CASP9: variants seen among roughly 807,000 people sequenced by gnomAD.
CASP9 encodes the protein caspase-9.
Under a neutral mutation model 43.5 loss-of-function variants are expected in CASP9, and 29 were observed. That is an observed-to-expected ratio of 0.67 (90% CI 0.50 to 0.91). The LOEUF is 0.91. Among genes scored for constraint, CASP9 ranks in the 40% least tolerant of loss-of-function variants. The pLI is 0.00. For missense variants in CASP9, 575 were observed against 537.4 expected (o/e 1.07, Z -0.69); for synonymous variants, 206 against 211.9 (o/e 0.97, Z 0.24).
At chr1:15,520,895 A>C (rs1252085726) in intron 1 of CASP9, among the ~76,000 whole-genome samples, 3 of 150,918 alleles carry the variant, frequency 2.0e-5, no homozygotes, top group African/African-American at 7.3e-5. Flanking sequence ...CGGTGGCTCA[A>C]GCCTGTAATC....
intron 1 of CASP9, chr1:15,519,851 A>C (rs895679068): frequency 6.6e-6 from 1 of 151,796 alleles, no homozygotes; most frequent in Middle Eastern, 3.4e-3. Context: ...AAAAAATAAC[A>C]AAAAAAAAGC....
chr1:15,505,374 C>G (rs966198585), intron 5 of CASP9, among the ~76,000 whole-genome samples: 1 of 152,216 alleles, frequency 6.6e-6, no homozygotes, highest in Admixed American at 6.5e-5. Flanking sequence ...GCTGAAGATG[C>G]TGGCCTCGTC....
At chr1:15,509,715 G>A (rs1404519830) in intron 2 of CASP9, among the ~76,000 whole-genome samples, 2 of 152,066 alleles carry the variant, frequency 1.3e-5, no homozygotes, top group Non-Finnish European at 2.9e-5. Context: ...TGGTCTCATT[G>A]AGAAGAAATT....
chr1:15,494,112 A>G (rs2020895), intron 7 of CASP9, 111 bp from the exon 8 acceptor site: 724,125 of 1,337,928 alleles, frequency 0.54, 199,432 homozygotes, highest in African/African-American at 0.74. Flanking sequence ...CTTGACTCAT[A>G]CATACATCCA....
chr1:15,520,256 T>C (rs1326977099), intron 1 of CASP9, among the ~76,000 whole-genome samples: 1 of 152,150 alleles, frequency 6.6e-6, no homozygotes, highest in South Asian at 2.1e-4. Flanking sequence ...CATTAAGCAC[T>C]TGGGTAGTAC....
At chr1:15,493,192 C>T (rs1021041974) in intron 8 of CASP9, 157 bp from the exon 9 acceptor site, 2 of 1,431,586 alleles carry the variant, frequency 1.4e-6, no homozygotes, top group Non-Finnish European at 1.8e-6. Context: ...ATACGCACCT[C>T]AACTTTACCT....
chr1:15,507,146 G>T, intron 3 of CASP9, 71 bp from the exon 4 acceptor site: 1 of 1,582,290 alleles, frequency 6.3e-7, no homozygotes. Context: ...GGAGAGGCGG[G>T]AAGAAAACGG....
At chr1:15,507,981 C>T in intron 2 of CASP9, 74 bp from the exon 3 acceptor site, 2 of 1,487,070 alleles carry the variant, frequency 1.3e-6, no homozygotes, top group Non-Finnish European at 1.9e-6. Flanking sequence ...TCTGTGAGGA[C>T]AGCCCCCCAA....
rs199536909 is a variant in CASP9 at position 15,495,399 on chromosome 1, G to C, written c.922C>G (p.Pro308Ala). ...GCATCTGGCTCGGGGTTACTGCCAGGGGACTCGTCTTCAGGGGAAGTGGAG... is the reference window on the plus strand; with the variant it reads ...GCATCTGGCTCGGGGTTACTGCCAGCGGACTCGTCTTCAGGGGAAGTGGAG... ...VASTSPEDES[P>A]GSNPEPDATP... is the part of the protein sequence containing the mutation. The change falls in exon 7 of 9, where the codon CCT becomes GCT. Residue 308 changes from proline to alanine, a missense_variant. Physicochemically the swap from Pro to Ala is conservative, Grantham distance 27. Coordinates refer to ENST00000333868, the MANE Select transcript of CASP9 (RefSeq NM_001229.5). The C allele has an allele frequency of 6.2e-6, 10 of 1,607,940 alleles. No homozygotes were observed. In the African/African-American group the frequency reaches 1.2e-4, roughly 19 times the overall value.
chr1:15,511,101 C>T (rs528515548), intron 2 of CASP9, among the ~76,000 whole-genome samples: 68 of 151,906 alleles, frequency 4.5e-4, no homozygotes, highest in South Asian at 2.1e-3. Flanking sequence ...CCTCGAGGTG[C>T]GGAGGCGAGA....
At chr1:15,512,238 A>G (rs1709781705) in intron 2 of CASP9, among the ~76,000 whole-genome samples, 1 of 152,224 alleles carries the variant, frequency 6.6e-6, no homozygotes, top group Non-Finnish European at 1.5e-5. Context: ...TTGAGTTCAC[A>G]GGTCAACTTG....
chr1:15,503,034 G>A (rs1709386544), intron 6 of CASP9, among the ~76,000 whole-genome samples: 1 of 152,140 alleles, frequency 6.6e-6, no homozygotes, highest in African/African-American at 2.4e-5. Context: ...GGGGCAGGCT[G>A]GGTTTTCAGT....
At chr1:15,513,302 T>G (rs1709834496) in intron 2 of CASP9, among the ~76,000 whole-genome samples, 1 of 152,012 alleles carries the variant, frequency 6.6e-6, no homozygotes, top group Non-Finnish European at 1.5e-5. Flanking sequence ...AAGATGCTGT[T>G]TTATACACAT....
chr1:15,509,460 C>CAAAAAAAAAAAAA (rs563284288), intron 2 of CASP9, among the ~76,000 whole-genome samples: 86 of 105,588 alleles, frequency 8.1e-4, no homozygotes, highest in Non-Finnish European at 1.4e-3. Flanking sequence ...ACTAAAAATA[C>CAAAAAAAAAAAAA]AAAAAAAAAA....
chr1:15,506,738 C>CGTCT (rs1384647460), intron 4 of CASP9, among the ~76,000 whole-genome samples, 161 bp downstream of exon 4: 1 of 152,188 alleles, frequency 6.6e-6, no homozygotes, highest in African/African-American at 2.4e-5. Flanking sequence ...CGGACTTCTG[C>CGTCT]GTCTGAACTT....
At chr1:15,494,533 C>A (rs1413606785) in intron 7 of CASP9, among the ~76,000 whole-genome samples, 5 of 148,930 alleles carry the variant, frequency 3.4e-5, no homozygotes. Flanking sequence ...CTACTGAACT[C>A]CAGCCTGGGC....
At chr1:15,493,661 T>C in intron 8 of CASP9, 5 of 1,449,598 alleles carry the variant, frequency 3.4e-6, no homozygotes, top group Non-Finnish European at 4.5e-6. Context: ...CCTGGGGACC[T>C]TGGAGGAGAC....
intron 5 of CASP9, among the ~76,000 whole-genome samples, 194 bp downstream of exon 5, chr1:15,505,796 C>G (rs1359888496): frequency 1.3e-5 from 2 of 152,218 alleles, no homozygotes; most frequent in Non-Finnish European, 2.9e-5. Flanking sequence ...CACCGACCTG[C>G]CCAGGACGGT....
chr1:15,504,941 G>A (rs967515898), intron 5 of CASP9, among the ~76,000 whole-genome samples, 183 bp from the exon 6 acceptor site: 2 of 152,224 alleles, frequency 1.3e-5, no homozygotes, highest in Admixed American at 1.3e-4. Flanking sequence ...CACCTTGACA[G>A]CAAGGGGTTG....
Sources: gnomAD v4.1 joint callset for allele counts (sites outside exome capture counted in the v4.1 genomes callset) on GRCh38, gnomAD v4.1.1 for gene constraint, MANE v1.5 for transcripts, NCBI Gene and HGNC (gene_info 2026-07-23, HGNC 2026-07-21) for gene names.